WDR72: variants seen among roughly 807,000 people sequenced by gnomAD.
The protein encoded by WDR72 is WD repeat-containing protein 72.
Under a neutral mutation model 124.2 loss-of-function variants are expected in WDR72, and 120 were observed. The observed-to-expected ratio is 0.97, with a 90% CI of 0.83 to 1.12. The LOEUF is 1.12. WDR72 is among the 50% of genes most tolerant of loss of function. The pLI is 0.00. For missense variants in WDR72, 1,387 were observed against 1,278.8 expected (o/e 1.08, Z -1.29); for synonymous variants, 452 against 441.7 (o/e 1.02, Z -0.29).
chr15:53,703,816 C>T (rs569376015), intron 11 of WDR72, among the ~76,000 whole-genome samples: 5 of 152,264 alleles, frequency 3.3e-5, no homozygotes, highest in East Asian at 1.9e-4. Flanking sequence ...TATTATACTT[C>T]GGAAACTTCT....
At chr15:53,551,301 G>T (rs1234198548) in intron 18 of WDR72, among the ~76,000 whole-genome samples, 1 of 152,136 alleles carries the variant, frequency 6.6e-6, no homozygotes, top group East Asian at 1.9e-4. Context: ...ATTTTGTATT[G>T]TATCCTAAAT....
At chr15:53,570,242 T>C (rs1436146064) in intron 18 of WDR72, among the ~76,000 whole-genome samples, 1 of 146,428 alleles carries the variant, frequency 6.8e-6, no homozygotes, top group East Asian at 2.0e-4. Flanking sequence ...CTAAATAACA[T>C]ATGTATTACC....
chr15:53,659,691 T>A (rs988036185), intron 14 of WDR72, among the ~76,000 whole-genome samples: 1 of 134,182 alleles, frequency 7.5e-6, no homozygotes. Flanking sequence ...AAATTCTTCA[T>A]AAGGCAGTTA....
intron 17 of WDR72, among the ~76,000 whole-genome samples, chr15:53,598,686 AC>A (rs2012896983): frequency 1.3e-5 from 2 of 152,156 alleles, no homozygotes; most frequent in South Asian, 4.1e-4. Flanking sequence ...TGTCCAGCCC[AC>A]ACTCAAATGT....
chr15:53,719,746 C>G, intron 3 of WDR72, among the ~76,000 whole-genome samples: 1 of 152,190 alleles, frequency 6.6e-6, no homozygotes, highest in Non-Finnish European at 1.5e-5. Flanking sequence ...CTAGCCCAGA[C>G]CTACTACATC....
intron 17 of WDR72, among the ~76,000 whole-genome samples, chr15:53,598,508 T>C (rs528169085): frequency 1.4e-4 from 21 of 152,194 alleles, no homozygotes; most frequent in African/African-American, 4.3e-4. Context: ...TTGTATGTGA[T>C]GGTAGCATGT....
At chr15:53,741,872 C>T (rs1829819747) in intron 1 of WDR72, among the ~76,000 whole-genome samples, 1 of 152,100 alleles carries the variant, frequency 6.6e-6, no homozygotes. Flanking sequence ...GGACTACAGG[C>T]ACCTGCCACC....
chr15:53,702,109 T>C lies in WDR72; in HGVS notation c.1569+25A>G, dbSNP rs763514488. 4.5e-6 allele frequency: 7 copies of C among 1,539,356 alleles called. No homozygotes were observed. The East Asian group carries it at 1.1e-4, about 25-fold the overall frequency. ...AATTTATATAATTTTCAAATTTAGA[T>C]GTTATATTTTACTCTTCGTCTTACT... On this transcript the variant is annotated intron_variant, in intron 12 of 19. Transcript: ENST00000360509.
intron 13 of WDR72, among the ~76,000 whole-genome samples, chr15:53,666,109 C>G (rs568646451): frequency 6.6e-6 from 1 of 152,230 alleles, no homozygotes; most frequent in African/African-American, 2.4e-5. Context: ...AGTGCTGTCC[C>G]CTAGTGTTCC....
In WDR72 at chr15:53,759,265, A is replaced by T. The variant is rs557042001; in HGVS notation, c.-13+368T>A. 4 of 152,350 alleles carry T rather than the reference A, an allele frequency of 2.6e-5. No homozygotes were observed. The East Asian group carries it at 7.7e-4, about 29-fold the overall frequency. 9.4% of individuals were successfully genotyped at this position (152,350 alleles called of 1,614,324 possible). On this transcript the variant is annotated intron_variant, in intron 1 of 19. Coordinates refer to ENST00000360509, the MANE Select transcript of WDR72 (RefSeq NM_182758.4). ...ATAGAAGTCCAATTCCCAAGTTCCA[A>T]GAAATTATCCTAATAGGGAAAGGCA...
intron 14 of WDR72, among the ~76,000 whole-genome samples, chr15:53,636,955 C>T (rs1267203124): frequency 1.3e-5 from 2 of 152,164 alleles, no homozygotes; most frequent in Non-Finnish European, 2.9e-5. Flanking sequence ...GTGCAGCCCT[C>T]ACCATAATTA....
intron 17 of WDR72, among the ~76,000 whole-genome samples, chr15:53,600,533 T>C (rs1263693077): frequency 6.6e-6 from 1 of 152,298 alleles, no homozygotes; most frequent in South Asian, 2.1e-4. Context: ...CTGGGACATA[T>C]GCTTATTAAC....
At chr15:53,742,631 C>T (rs1752285785) in intron 1 of WDR72, among the ~76,000 whole-genome samples, 1 of 152,042 alleles carries the variant, frequency 6.6e-6, no homozygotes, top group Non-Finnish European at 1.5e-5. Context: ...TATAGCATTA[C>T]TTCTTGGCCT....
Position 53,733,134 on chromosome 15 carries a change from G to T in WDR72, c.16C>A (p.Gln6Lys). The T allele has an allele frequency of 1.2e-6, 2 of 1,614,012 alleles. No homozygotes were observed. The highest frequency in any genetic ancestry group is 1.7e-6 in the Non-Finnish European group (2 of 1,179,956). ...TTCTGTCCCCAGAGTGCCACTGCCT[G>T]CAGGGAAGTCCTCATTTTGGGCGAA... MRTSL[Q>K]AVALWGQKAP... is the part of the protein sequence containing the mutation. The change falls in exon 2 of 20, where the codon CAG (glutamine) becomes AAG (lysine). Residue 6 changes from glutamine (Q) to lysine (K), a missense_variant. Gln to Lys is a moderately conservative substitution (Grantham distance 53). Coordinates refer to ENST00000360509, the MANE Select transcript of WDR72 (RefSeq NM_182758.4).
chr15:53,761,710 A>G (rs1193177420), upstream of WDR72, among the ~76,000 whole-genome samples: 2 of 152,092 alleles, frequency 1.3e-5, no homozygotes, highest in Non-Finnish European at 2.9e-5. Flanking sequence ...CACCTGTAGT[A>G]CCAGTTCCTC....
At chr15:53,539,948 G>A (rs966442844) in intron 18 of WDR72, among the ~76,000 whole-genome samples, 13 of 152,048 alleles carry the variant, frequency 8.5e-5, no homozygotes, top group African/African-American at 3.1e-4. Context: ...AGGATAGACA[G>A]GATATAAATA....
intron 1 of WDR72, among the ~76,000 whole-genome samples, chr15:53,739,174 A>G (rs914428688): frequency 5.3e-5 from 8 of 152,154 alleles, no homozygotes; most frequent in Non-Finnish European, 1.2e-4. Context: ...TGAGAGACAG[A>G]AGGAGAATGA....
Position 53,543,482 on chromosome 15 carries a change from C to T in WDR72, c.3149-20160G>A, listed in dbSNP as rs372484728. Among the ~76,000 whole-genome samples the T allele has an allele frequency of 3.6e-3, 551 of 151,446 alleles. 5 individuals carry two copies. Among genetic ancestry groups the T allele is most frequent in the South Asian group, 0.024 (113 of 4,700 alleles). Reference sequence around the variant, plus strand: ...ACACAACATACCAGAATCTCTGGGACGCATTCAAAGCAGTGTGTAGAGGGA... The same window carrying T: ...ACACAACATACCAGAATCTCTGGGATGCATTCAAAGCAGTGTGTAGAGGGA... On this transcript the variant is annotated intron_variant, in intron 18 of 19. Coordinates refer to ENST00000360509, the MANE Select transcript of WDR72 (RefSeq NM_182758.4).
chr15:53,559,907 G>C (rs1288483529), intron 18 of WDR72, among the ~76,000 whole-genome samples: 1 of 151,896 alleles, frequency 6.6e-6, no homozygotes, highest in Non-Finnish European at 1.5e-5. Flanking sequence ...AGAGGAGTGA[G>C]AAATATAAAT....
Sources: allele counts gnomAD v4.1 joint callset (sites outside exome capture counted in the v4.1 genomes callset), GRCh38; gene constraint gnomAD v4.1.1; transcripts MANE v1.5; gene names NCBI Gene and HGNC (gene_info 2026-07-23, HGNC 2026-07-21).